The following ATAD2B variants were observed in gnomAD, a reference collection of about 807,000 sequenced individuals.
ATAD2B encodes ATPase family AAA domain-containing protein 2B.
A neutral mutation model predicts 167.6 loss-of-function variants in ATAD2B; 40 were observed. That is an observed-to-expected ratio of 0.24 (90% CI 0.19 to 0.31). The LOEUF (loss-of-function observed/expected upper bound fraction) is 0.31, where lower values mean the gene tolerates loss of function less well. ATAD2B is among the 10% of genes least tolerant of loss of function. The probability of loss-of-function intolerance (pLI) is 1.00; values close to 1 mark genes in which losing one functional copy is unlikely to be tolerated. For missense variants in ATAD2B, 1,242 were observed against 1,757.2 expected (o/e 0.71, Z 5.24); for synonymous variants, 579 against 596.5 (o/e 0.97, Z 0.43).
intron 16 of ATAD2B, 106 bp from the exon 17 acceptor site, chr2:23,819,988 A>G: frequency 1.4e-6 from 1 of 726,426 alleles, no homozygotes. Context: ...GACATTAATA[A>G]GTTATCTATC....
the ATAD2B span, among the ~76,000 whole-genome samples, chr2:23,740,951 A>G: frequency 1.3e-5 from 2 of 152,196 alleles, no homozygotes; most frequent in African/African-American, 2.4e-5. Flanking sequence ...TCCCATTCAC[A>G]ATTGCTTCAA....
the ATAD2B span, among the ~76,000 whole-genome samples, chr2:23,686,199 C>T: frequency 6.6e-6 from 1 of 152,094 alleles, no homozygotes; most frequent in Non-Finnish European, 1.5e-5. Context: ...GCAGGCAAGC[C>T]CTGACCCCAT....
intron 17 of ATAD2B, among the ~76,000 whole-genome samples, chr2:23,815,579 T>C (rs1291770286): frequency 6.6e-6 from 1 of 152,100 alleles, no homozygotes; most frequent in East Asian, 1.9e-4. Flanking sequence ...ATGGTAGTCA[T>C]TAACACAGAG....
At chr2:23,888,552 A>G (rs1699022615) in intron 2 of ATAD2B, among the ~76,000 whole-genome samples, 153 bp from the exon 3 acceptor site, 1 of 152,190 alleles carries the variant, frequency 6.6e-6, no homozygotes. Context: ...GTCAATTAAT[A>G]AAATATACTA....
In ATAD2B at chr2:23,916,003, T is replaced by A. The variant is rs147151543; in HGVS notation, c.216+10552A>T. On this transcript the variant is annotated intron_variant, in intron 1 of 27. Coordinates refer to ENST00000238789, the MANE Select transcript of ATAD2B (RefSeq NM_017552.4). ...CTTATTTGGAGGTTATGATCATTCA[T>A]CATCATGGATACTTACAAACTAATT... is the stretch of plus-strand genomic sequence containing the variant. 6.2e-4 allele frequency among the ~76,000 whole-genome samples: 94 copies of A among 152,346 alleles called. 3 individuals are homozygous for A. The South Asian group carries it at 9.3e-3, about 15-fold the overall frequency.
chr2:23,711,624 C>A, the ATAD2B span, among the ~76,000 whole-genome samples: 1 of 152,048 alleles, frequency 6.6e-6, no homozygotes, highest in Admixed American at 6.5e-5. Flanking sequence ...ACCCACCTCA[C>A]CCTCCCAAAA....
Position 23,785,740 on chromosome 2 carries a change from G to T in ATAD2B, c.2973+287C>A, listed in dbSNP as rs143438104. 2.2e-3 allele frequency: 575 copies of T among 263,752 alleles called. 4 individuals are homozygous for T. Among genetic ancestry groups the T allele is most frequent in the African/African-American group, 0.012 (553 of 44,900 alleles). The allele number at this position is 263,752 out of a possible 1,614,324, so 16.3% of individuals were successfully genotyped here. A position where few individuals can be genotyped will look rare whatever the true frequency, so the allele number is the denominator to read the frequency against. On this transcript the variant is annotated intron_variant, in intron 21 of 27. Transcript: ENST00000238789. ...TTTATCCTGGAATAAAAATAATCTA[G>T]TATGGATATTTGACTAAGGCAACCT... is the stretch of plus-strand genomic sequence containing the variant.
chr2:23,821,688 A>G (rs1687472423), intron 16 of ATAD2B, among the ~76,000 whole-genome samples: 1 of 152,260 alleles, frequency 6.6e-6, no homozygotes, highest in African/African-American at 2.4e-5. Flanking sequence ...GGAACTGCAG[A>G]AATTAAGATA....
chr2:23,742,496 T>C, the ATAD2B span, among the ~76,000 whole-genome samples: 13 of 137,818 alleles, frequency 9.4e-5, no homozygotes, highest in South Asian at 2.3e-4. Flanking sequence ...TAGGTGGGAA[T>C]TGAACAATGA....
chr2:23,789,740 C>A lies in ATAD2B; in HGVS notation c.2641-1093G>T, dbSNP rs527797866. ...TACTGGATTAAACCTATGAAATGAA[C>A]CCTTAAAAATTCCATAAATATGATA... On this transcript the variant is annotated intron_variant, in intron 19 of 27. Coordinates refer to ENST00000238789, the MANE Select transcript of ATAD2B (RefSeq NM_017552.4). Among the ~76,000 whole-genome samples the A allele has an allele frequency of 3.9e-5, 6 of 152,190 alleles. No homozygotes were observed. The South Asian group carries it at 1.0e-3, about 26-fold the overall frequency.
the ATAD2B span, among the ~76,000 whole-genome samples, chr2:23,743,493 G>A: frequency 6.6e-6 from 1 of 151,418 alleles, no homozygotes; most frequent in African/African-American, 2.4e-5. Flanking sequence ...AACCCGGGAG[G>A]TGGAGGTTAC....
intron 1 of ATAD2B, among the ~76,000 whole-genome samples, chr2:23,906,411 C>A (rs540056112): frequency 6.6e-6 from 1 of 152,140 alleles, no homozygotes; most frequent in East Asian, 1.9e-4. Context: ...ACCTGCATGC[C>A]AACCGGTTAA....
At chr2:23,914,438 A>G (rs1702731705) in intron 1 of ATAD2B, among the ~76,000 whole-genome samples, 1 of 152,208 alleles carries the variant, frequency 6.6e-6, no homozygotes, top group Admixed American at 6.5e-5. Context: ...TTTAGAGAGA[A>G]GGAAAGCAAA....
At chr2:23,826,416 C>T (rs1474176630) in intron 15 of ATAD2B, among the ~76,000 whole-genome samples, 1 of 152,144 alleles carries the variant, frequency 6.6e-6, no homozygotes, top group Non-Finnish European at 1.5e-5. Flanking sequence ...AAATATACTA[C>T]AGCCTTTTAG....
chr2:23,687,263 C>G, the ATAD2B span, among the ~76,000 whole-genome samples: 2 of 152,186 alleles, frequency 1.3e-5, no homozygotes, highest in Non-Finnish European at 2.9e-5. Flanking sequence ...TGAGCCCTGC[C>G]AGGGGCAGGT....
rs1309925281 is a variant in ATAD2B at position 23,750,806 on chromosome 2, A to T, written c.*1240T>A. 1 of 152,174 alleles carries T rather than the reference A, an allele frequency of 6.6e-6. No homozygotes were observed. The highest frequency in any genetic ancestry group is 1.5e-5 in the Non-Finnish European group (1 of 68,010). The allele number at this position is 152,174 out of a possible 1,614,324, so 9.4% of individuals were successfully genotyped here. A position where few individuals can be genotyped will look rare whatever the true frequency, so the allele number is the denominator to read the frequency against. On this transcript the variant is annotated 3_prime_UTR_variant, in exon 28 of 28. Transcript: ENST00000238789. ...AAACTAGTAACCCATAATTAATTTC[A>T]GATACATACAATTCACAGAAATCAC...
chr2:23,797,991 C>G (rs1350110374), intron 19 of ATAD2B, 147 bp downstream of exon 19: 1 of 478,212 alleles, frequency 2.1e-6, no homozygotes, highest in Non-Finnish European at 3.7e-6. Flanking sequence ...AATAACTTAC[C>G]TACATCATAC....
At chr2:23,700,884 C>T in the ATAD2B span, among the ~76,000 whole-genome samples, 77 of 152,220 alleles carry the variant, frequency 5.1e-4, no homozygotes, top group East Asian at 2.3e-3. The surrounding 1 kb of genome is among the most constrained non-coding windows in gnomAD (Gnocchi z 4.6). Context: ...CCTCTGAGGA[C>T]GCCTCTCAGC....
At chr2:23,735,330 T>A in the ATAD2B span, among the ~76,000 whole-genome samples, 1 of 152,210 alleles carries the variant, frequency 6.6e-6, no homozygotes, top group African/African-American at 2.4e-5. Context: ...GCAATTAATC[T>A]ATGATGCTAT....
Sources: allele counts gnomAD v4.1 joint callset (sites outside exome capture counted in the v4.1 genomes callset), GRCh38; gene constraint gnomAD v4.1.1; non-coding constraint Gnocchi (gnomAD v3.1); transcripts MANE v1.5; gene names NCBI Gene and HGNC (gene_info 2026-07-23, HGNC 2026-07-21).